MALT1: variants seen among roughly 807,000 people sequenced by gnomAD.
MALT1 encodes the protein mucosa-associated lymphoid tissue lymphoma translocation protein 1.
In MALT1, 36 loss-of-function variants were observed where a neutral mutation model predicts 85.5. The observed-to-expected ratio is 0.42, with a 90% CI of 0.32 to 0.56. The LOEUF (loss-of-function observed/expected upper bound fraction) is 0.56. MALT1 is among the 20% of genes least tolerant of loss of function. The pLI is 0.10. For synonymous variants in MALT1, 359 were observed against 361.3 expected (o/e 0.99, Z 0.07); for missense variants, 716 against 981.6 (o/e 0.73, Z 3.62).
At chr18:58,702,124 G>A (rs910652349) in intron 4 of MALT1, among the ~76,000 whole-genome samples, 1 of 151,536 alleles carries the variant, frequency 6.6e-6, no homozygotes, top group Non-Finnish European at 1.5e-5. Context: ...CAGTACTTTG[G>A]GAAGCTGGGG....
intron 16 of MALT1, 37 bp from the exon 17 acceptor site, chr18:58,747,368 T>A (rs1333223667): frequency 7.6e-7 from 1 of 1,322,440 alleles, no homozygotes; most frequent in South Asian, 1.3e-5. Context: ...TATTCACTGT[T>A]GATGCCAATA....
chr18:58,709,618 A>G, intron 5 of MALT1, 62 bp downstream of exon 5: 2 of 1,325,962 alleles, frequency 1.5e-6, no homozygotes, highest in Non-Finnish European at 2.1e-6. Context: ...GGTACAATTG[A>G]AATATAAGGT....
At chr18:58,675,424 G>A (rs935689198) in intron 1 of MALT1, 5 of 152,192 alleles carry the variant, frequency 3.3e-5, no homozygotes, top group African/African-American at 1.2e-4. Context: ...CTCCCAGCCT[G>A]GGAAACATAC....
chr18:58,721,022 C>T (rs1318217782), intron 9 of MALT1, among the ~76,000 whole-genome samples: 1 of 152,182 alleles, frequency 6.6e-6, no homozygotes, highest in Non-Finnish European at 1.5e-5. Flanking sequence ...TGCTGTGGAT[C>T]AGCCAGCTAA....
At chr18:58,710,835 A>G in intron 6 of MALT1, 86 bp from the exon 7 acceptor site, 4 of 811,768 alleles carry the variant, frequency 4.9e-6, no homozygotes, top group African/African-American at 3.5e-5. Context: ...CATTATCTCT[A>G]TGATATTGAT....
chr18:58,682,445 TTTGCTCTTCCTTTCTTGGCA>T (rs2054336580), intron 2 of MALT1, among the ~76,000 whole-genome samples: 1 of 152,228 alleles, frequency 6.6e-6, no homozygotes, highest in South Asian at 2.1e-4. Context: ...GGTTTTTGTC[TTTGCTCTTCCTTTCTTGGCA>T]TTGGCTTCCT....
chr18:58,699,712 G>C (rs759451660), intron 3 of MALT1, among the ~76,000 whole-genome samples: 1 of 152,242 alleles, frequency 6.6e-6, no homozygotes, highest in African/African-American at 2.4e-5. Flanking sequence ...CCTGTTCTTT[G>C]CAAGGGAGTT....
chr18:58,672,468 G>A (rs1350898120), intron 1 of MALT1: 3 of 152,136 alleles, frequency 2.0e-5, no homozygotes, highest in African/African-American at 7.2e-5. Flanking sequence ...TGGAATGGCT[G>A]TATTAGGGTT....
At chr18:58,672,778 G>T (rs533640210) in intron 1 of MALT1, 22 of 152,322 alleles carry the variant, frequency 1.4e-4, no homozygotes, top group Admixed American at 6.5e-4. Context: ...TAATCACAGA[G>T]CTGGATTCGT....
intron 13 of MALT1, among the ~76,000 whole-genome samples, chr18:58,740,140 C>T (rs996472828): frequency 4.6e-5 from 7 of 152,140 alleles, no homozygotes; most frequent in Non-Finnish European, 8.8e-5. Context: ...CATTTAGTTG[C>T]TCATATTTCT....
Position 58,692,445 on chromosome 18 carries a change from C to CTCTCTCTCTCTCTCTCTCTCTCT in MALT1, c.377-3921_377-3920insTCTCTCTCTCTCTCTCTCTCTCT, listed in dbSNP as rs1568129469. On this transcript the variant is annotated intron_variant, in intron 2 of 16. Coordinates refer to ENST00000649217, the MANE Select transcript of MALT1 (RefSeq NM_006785.4). ...CTCTCTCTCTCTCTCTCACTCTCTC[C>CTCTCTCTCTCTCTCTCTCTCTCT]CTCCCTCCCTCCCTCCCTCCCTGTC... Among the ~76,000 whole-genome samples, 8 of 28,420 alleles carry CTCTCTCTCTCTCTCTCTCTCTCT rather than the reference C, an allele frequency of 2.8e-4. No homozygotes were observed. The East Asian group carries it at 3.3e-3, about 12-fold the overall frequency. The allele number at this position is 28,420 out of a possible 152,430, so 18.6% of individuals were successfully genotyped here.
rs574285957 is a variant in MALT1 at position 58,696,337 on chromosome 18, ATTTTTTTTTT to A, written c.377-12_377-3del. ...AAGGAAAATCCCTCTTGTGACTTTA[ATTTTTTTTTT>A]TTTTTTTTTTTTTTTTAGGAATAAA... On this transcript the variant is annotated intron_variant, in intron 2 of 16. Transcript: ENST00000649217. 20 of 991,070 alleles carry A rather than the reference ATTTTTTTTTT, an allele frequency of 2.0e-5. No individual in the cohort carries two copies. The African/African-American group carries it at 2.2e-4, about 11-fold the overall frequency. The allele number at this position is 991,070 out of a possible 1,614,324, so 61.4% of individuals were successfully genotyped here. A position where few individuals can be genotyped will look rare whatever the true frequency, so the allele number is the denominator to read the frequency against.
chr18:58,674,109 A>G (rs540606691), intron 1 of MALT1: 1 of 152,200 alleles, frequency 6.6e-6, no homozygotes, highest in Non-Finnish European at 1.5e-5. Flanking sequence ...AAAGCCAGGT[A>G]TGGAGGACTC....
Position 58,710,904 on chromosome 18 carries a change from GT to G in MALT1, c.926-11del. ...CATGAATTACAATATATTCAAATTT[GT>G]TTTTTCTGAAACAAGGAAGAACAGA... On this transcript the variant is annotated splice_polypyrimidine_tract_variant and intron_variant, in intron 6 of 16. Transcript: ENST00000649217. 1 of 1,576,546 alleles carries G rather than the reference GT, an allele frequency of 6.3e-7. No homozygotes were observed. Among genetic ancestry groups the G allele is most frequent in the Non-Finnish European group, 8.6e-7 (1 of 1,157,812 alleles).
intron 10 of MALT1, among the ~76,000 whole-genome samples, chr18:58,724,883 G>A (rs1404109335): frequency 1.3e-5 from 2 of 151,916 alleles, no homozygotes; most frequent in Non-Finnish European, 1.5e-5. Context: ...AGTGGCTTAC[G>A]TCTGTAATCC....
chr18:58,718,602 T>C (rs1484685701), intron 9 of MALT1, among the ~76,000 whole-genome samples: 1 of 152,000 alleles, frequency 6.6e-6, no homozygotes, highest in African/African-American at 2.4e-5. Flanking sequence ...CATGGAAAAA[T>C]TGTCTTCCAC....
At chr18:58,695,625 G>C (rs1265371689) in intron 2 of MALT1, among the ~76,000 whole-genome samples, 2 of 152,138 alleles carry the variant, frequency 1.3e-5, no homozygotes, top group Non-Finnish European at 2.9e-5. Context: ...CCACAGACTG[G>C]GTAATTTTTA....
Position 58,723,078 on chromosome 18 carries a change from A to G in MALT1, c.1049A>G (p.Asn350Ser). The G allele has an allele frequency of 1.2e-6, 2 of 1,614,022 alleles. No homozygotes were observed. Among genetic ancestry groups the G allele is most frequent in the East Asian group, 4.5e-5 (2 of 44,852 alleles). ...GACAAGGTTGCCCTTTTGATAGGAA[A>G]TATGAATTACCGGGAGCACCCCAAG... The part of the protein sequence containing the change: ...AKDKVALLIG[N>S]MNYREHPKLK... The change falls in exon 10 of 17, where the codon AAT (asparagine) becomes AGT (serine). Residue 350 changes from asparagine to serine, a missense_variant. By Grantham distance (46) the Asn-to-Ser change is conservative (BLOSUM62 1). Coordinates refer to ENST00000649217, the MANE Select transcript of MALT1 (RefSeq NM_006785.4).
intron 10 of MALT1, among the ~76,000 whole-genome samples, chr18:58,725,889 C>T (rs560203516): frequency 2.0e-5 from 3 of 152,148 alleles, no homozygotes; most frequent in South Asian, 4.2e-4. Flanking sequence ...GGTGAAACCC[C>T]GTCTCTACTA....
Sources: gnomAD v4.1 joint callset for allele counts (sites outside exome capture counted in the v4.1 genomes callset) on GRCh38, gnomAD v4.1.1 for gene constraint, MANE v1.5 for transcripts, NCBI Gene and HGNC (gene_info 2026-07-23, HGNC 2026-07-21) for gene names.